SLC12A3: variants seen among roughly 807,000 people sequenced by gnomAD.
SLC12A3 encodes the protein solute carrier family 12 member 3.
A neutral mutation model predicts 121.0 loss-of-function variants in SLC12A3; 104 were observed. The ratio of observed to expected loss-of-function variants is 0.86; its 90% CI spans 0.73 to 1.01. SLC12A3 has a LOEUF of 1.01. Among genes scored for constraint, SLC12A3 ranks in the 50% least tolerant of loss-of-function variants. The probability of loss-of-function intolerance (pLI) is 0.00; values close to 1 mark genes in which losing one functional copy is unlikely to be tolerated. For synonymous variants in SLC12A3, 536 were observed against 533.4 expected, an observed-to-expected ratio of 1.00 and a Z score of -0.07; for missense variants, 1,328 against 1,356.3, an observed-to-expected ratio of 0.98 and a Z score of 0.33.
At chr16:56,866,481 C>T (rs1210898847) in intron 1 of SLC12A3, among the ~76,000 whole-genome samples, 1 of 152,162 alleles carries the variant, frequency 6.6e-6, no homozygotes, top group Non-Finnish European at 1.5e-5. Flanking sequence ...GGCCTGGTTT[C>T]AAGACCCAGC....
Position 56,879,456 on chromosome 16 carries a change from T to A in SLC12A3, c.1336-86T>A, listed in dbSNP as rs1252333454. 2.5e-6 allele frequency: 3 copies of A among 1,222,080 alleles called. No homozygotes were observed. In the East Asian group the frequency reaches 7.1e-5, roughly 29 times the overall value. 75.7% of individuals were successfully genotyped at this position (1,222,080 alleles called of 1,614,324 possible). The stretch of plus-strand genomic sequence containing the variant: ...AGGTGGAGGCTCAGGACCCAGCCCC[T>A]GCCCGCAGTAGGGAATGAAGTGCCA... On this transcript the variant is annotated intron_variant, in intron 10 of 25. Transcript: ENST00000563236.
At chr16:56,878,923 G>T in intron 9 of SLC12A3, 150 bp from the exon 10 acceptor site, 1 of 962,008 alleles carries the variant, frequency 1.0e-6, no homozygotes, top group Non-Finnish European at 1.6e-6. Flanking sequence ...CATGGCTCCG[G>T]GCACACCTTC....
intron 8 of SLC12A3, 63 bp downstream of exon 8, chr16:56,872,849 GCC>G: frequency 6.2e-7 from 1 of 1,606,422 alleles, no homozygotes; most frequent in South Asian, 1.1e-5. Context: ...GCAGAATCCT[GCC>G]CCCTGCTCTA....
At chr16:56,902,531 G>GGGGGGGGC in intron 24 of SLC12A3, 23 bp downstream of exon 24, 15 of 714,462 alleles carry the variant, frequency 2.1e-5, no homozygotes, top group East Asian at 1.2e-4. Context: ...GTGGGGGTGG[G>GGGGGGGGC]AAACGCGACA....
intron 21 of SLC12A3, among the ~76,000 whole-genome samples, chr16:56,893,418 G>T (rs1452690288): frequency 1.3e-5 from 2 of 152,050 alleles, no homozygotes; most frequent in African/African-American, 2.4e-5. Flanking sequence ...GTGACTTTAA[G>T]CTTTATTGCT....
chr16:56,903,532 CA>C (rs2144769821), intron 24 of SLC12A3, among the ~76,000 whole-genome samples: 1 of 152,288 alleles, frequency 6.6e-6, no homozygotes, highest in African/African-American at 2.4e-5. Flanking sequence ...GCGATGCTGC[CA>C]AACATCCTAC....
chr16:56,869,810 G>T lies in SLC12A3; in HGVS notation c.587G>T (p.Gly196Val), dbSNP rs1290372649. 2 of 1,613,970 alleles carry T rather than the reference G, an allele frequency of 1.2e-6. No individual in the cohort carries two copies. Among genetic ancestry groups the T allele is most frequent in the East Asian group, 4.5e-5 (2 of 44,888 alleles). Residue 196 changes from glycine to valine, a missense_variant, in exon 4 of 26, where the codon GGC (glycine) becomes GTC (valine). Coordinates refer to ENST00000563236, the MANE Select transcript of SLC12A3 (RefSeq NM_001126108.2). Reference protein sequence around the residue: ...GLSISAISTNGKVKSGGTYFL... With the variant: ...GLSISAISTNVKVKSGGTYFL... ...TCCATCTCAGCCATCTCCACCAATG[G>T]CAAGGTCAAGTCAGGTGGGCCATCC...
rs1042276809 is a variant in SLC12A3, at chr16:56,885,116, C to T, written c.1826-149C>T. On this transcript the variant is annotated intron_variant, in intron 14 of 25. Transcript: ENST00000563236. ...AGCCACACAGTCCGCAGGCCTCCAC[C>T]TTGCAGGCTGCCCATCCCAGGTGGC... The T allele has an allele frequency of 1.4e-5, 10 of 694,172 alleles. No individual in the cohort carries two copies. The East Asian group carries it at 2.2e-4, about 15-fold the overall frequency. The allele number at this position is 694,172 out of a possible 1,614,324, so 43.0% of individuals were successfully genotyped here.
At chr16:56,870,431 T>G (rs1423522391) in intron 5 of SLC12A3, among the ~76,000 whole-genome samples, 195 bp from the exon 6 acceptor site, 2 of 152,180 alleles carry the variant, frequency 1.3e-5, no homozygotes, top group African/African-American at 2.4e-5. Flanking sequence ...CCTTTGGGGG[T>G]GTGTGTGGCC....
rs565705555 is a variant in SLC12A3, at chr16:56,870,296, C to T, written c.741+61C>T. 702 of 1,559,972 alleles carry T rather than the reference C, an allele frequency of 4.5e-4. 5 individuals carry two copies. The South Asian group carries it at 4.8e-3, about 11-fold the overall frequency. The stretch of plus-strand genomic sequence containing the variant: ...CCGGGCAGCCCATTGCACTCTCCTC[C>T]GCCCCATCTGGGCTGGGGCCTCCTG... On this transcript the variant is annotated intron_variant, in intron 5 of 25. Coordinates refer to ENST00000563236, the MANE Select transcript of SLC12A3 (RefSeq NM_001126108.2).
At chr16:56,876,888 G>C (rs1327103887) in intron 8 of SLC12A3, among the ~76,000 whole-genome samples, 5 of 152,196 alleles carry the variant, frequency 3.3e-5, no homozygotes, top group Non-Finnish European at 7.3e-5. Context: ...AGCCTGTGTT[G>C]CTGCACCCAG....
chr16:56,890,223 TC>T, intron 18 of SLC12A3, 50 bp from the exon 19 acceptor site: 1 of 1,422,182 alleles, frequency 7.0e-7, no homozygotes. Context: ...CCAGGTCACC[TC>T]CCCAGTGGGA....
rs1424887377 is a variant in SLC12A3, at chr16:56,882,436, C to T, written c.1608C>T (p.Phe536=). The T allele has an allele frequency of 3.1e-6, 5 of 1,614,178 alleles. No individual in the cohort carries two copies. The highest frequency in any genetic ancestry group is 1.3e-5 in the African/African-American group (1 of 75,036). ...NTIAPIISNF[F]LCSYALINFS... is the part of the protein sequence containing the mutation. ...TAGCCCCCATCATTTCCAACTTCTTCCTCTGCTCCTATGCCCTCATCAACT... is the reference window on the plus strand; with the variant it reads ...TAGCCCCCATCATTTCCAACTTCTTTCTCTGCTCCTATGCCCTCATCAACT... Residue 536 remains phenylalanine (F), a synonymous_variant, in exon 13 of 26, where the codon TTC becomes TTT. Coordinates refer to ENST00000563236, the MANE Select transcript of SLC12A3 (RefSeq NM_001126108.2).
intron 8 of SLC12A3, 57 bp from the exon 9 acceptor site, chr16:56,878,020 G>GTCCCTCCCTCTCTCCC: frequency 1.7e-6 from 1 of 598,930 alleles, no homozygotes; most frequent in Non-Finnish European, 2.5e-6. Context: ...AATGTCCTCC[G>GTCCCTCCCTCTCTCCC]TCCCTCCCTC....
In SLC12A3 at chr16:56,899,392, G is replaced by A. The variant is rs2055507344; in HGVS notation, c.2634-138G>A. ...TAATCCCAACTACTCGGGAGGCTGGGGCATGAGAATTGCTTGAACCTGGGA... is the reference window on the plus strand; with the variant it reads ...TAATCCCAACTACTCGGGAGGCTGGAGCATGAGAATTGCTTGAACCTGGGA... On this transcript the variant is annotated intron_variant, in intron 22 of 25. Transcript: ENST00000563236. 7.0e-6 allele frequency: 5 copies of A among 710,462 alleles called. No homozygotes were observed. In the South Asian group the frequency reaches 7.2e-5, roughly 10 times the overall value. 44.0% of individuals were successfully genotyped at this position (710,462 alleles called of 1,614,324 possible).
intron 19 of SLC12A3, among the ~76,000 whole-genome samples, 162 bp from the exon 20 acceptor site, chr16:56,891,921 A>G (rs576190636): frequency 6.6e-6 from 1 of 152,302 alleles, no homozygotes; most frequent in African/African-American, 2.4e-5. Context: ...GCCGGGCAGG[A>G]GGCAGGTCAG....
intron 25 of SLC12A3, among the ~76,000 whole-genome samples, chr16:56,911,908 G>A (rs568808949): frequency 1.6e-4 from 25 of 152,356 alleles, no homozygotes; most frequent in East Asian, 1.2e-3. Flanking sequence ...CTGTGCCTGC[G>A]TGTGCTTTGC....
chr16:56,889,558 C>A (rs1319513165), intron 18 of SLC12A3, among the ~76,000 whole-genome samples: 1 of 152,192 alleles, frequency 6.6e-6, no homozygotes. Flanking sequence ...CTCACCACAA[C>A]CTCTGCCTCC....
intron 13 of SLC12A3, 34 bp from the exon 14 acceptor site, chr16:56,884,015 C>T (rs1437472973): frequency 6.2e-7 from 1 of 1,613,326 alleles, no homozygotes; most frequent in East Asian, 2.2e-5. Flanking sequence ...GCTCGACTGC[C>T]AGGCATGCCC....
Sources: allele counts gnomAD v4.1 joint callset (sites outside exome capture counted in the v4.1 genomes callset), GRCh38; gene constraint gnomAD v4.1.1; transcripts MANE v1.5; gene names NCBI Gene and HGNC (gene_info 2026-07-23, HGNC 2026-07-21).